PDE1C: variants seen among roughly 807,000 people sequenced by gnomAD.
PDE1C encodes the protein phosphodiesterase 1C, also known as dual specificity calcium/calmodulin-dependent 3',5'-cyclic nucleotide phosphodiesterase 1C.
PDE1C carries 62 observed loss-of-function variants against 93.1 expected under a neutral mutation model. The ratio of observed to expected loss-of-function variants is 0.67; its 90% CI spans 0.54 to 0.82. PDE1C has a LOEUF of 0.82. Among genes scored for constraint, PDE1C ranks in the 40% least tolerant of loss-of-function variants. The pLI, the probability that PDE1C is intolerant of heterozygous loss-of-function variation, is 0.00. For synonymous variants in PDE1C, 325 were observed against 310.1 expected (o/e 1.05, Z -0.50); for missense variants, 742 against 884.6 (o/e 0.84, Z 2.04).
chr7:31,695,627 G>C, the PDE1C span: 2 of 1,610,304 alleles, frequency 1.2e-6, no homozygotes, highest in East Asian at 4.5e-5. Flanking sequence ...ACCAGGTAAT[G>C]GACAAAGTCA....
chr7:32,261,483 C>G (rs1810197928), intron 1 of PDE1C, among the ~76,000 whole-genome samples: 1 of 152,152 alleles, frequency 6.6e-6, no homozygotes, highest in African/African-American at 2.4e-5. Context: ...AATAATAAAA[C>G]TCCAGTCTCT....
intron 1 of PDE1C, among the ~76,000 whole-genome samples, chr7:32,340,110 T>C (rs1783719853): frequency 6.6e-6 from 1 of 152,088 alleles, no homozygotes; most frequent in East Asian, 1.9e-4. Context: ...GCATTCAGGC[T>C]GGGACTTACC....
At chr7:32,171,978 C>T (rs149450543) in intron 2 of PDE1C, among the ~76,000 whole-genome samples, 482 of 150,168 alleles carry the variant, frequency 3.2e-3, no homozygotes, top group African/African-American at 0.011. Flanking sequence ...CGTATGAGAT[C>T]TCTATATTAT....
chr7:32,182,224 A>G (rs1196311167), intron 2 of PDE1C, among the ~76,000 whole-genome samples: 2 of 152,234 alleles, frequency 1.3e-5, no homozygotes, highest in Admixed American at 6.5e-5. Flanking sequence ...CAGAGGTACA[A>G]GGAGGAGCTG....
At chr7:31,765,147 C>G (rs866894811) in intron 17 of PDE1C, among the ~76,000 whole-genome samples, 4 of 152,090 alleles carry the variant, frequency 2.6e-5, no homozygotes, top group Admixed American at 2.6e-4. Context: ...TTTGAGCCTT[C>G]TTTCCCTGAA....
chr7:32,233,541 T>G (rs1039946497), intron 1 of PDE1C, among the ~76,000 whole-genome samples: 3 of 152,108 alleles, frequency 2.0e-5, no homozygotes, highest in African/African-American at 4.8e-5. Flanking sequence ...GCTGTATTAC[T>G]ATCAGACAAA....
chr7:32,187,569 A>G (rs180905387), intron 2 of PDE1C, among the ~76,000 whole-genome samples: 2 of 149,852 alleles, frequency 1.3e-5, no homozygotes, highest in Non-Finnish European at 1.5e-5. Context: ...TTTATGTCCA[A>G]TAAATATTTG....
At position 32,059,099 on chromosome 7, in the gene PDE1C, T is replaced by A. The variant is rs148320596; in HGVS notation, c.102-7519A>T. 2.6e-3 allele frequency among the ~76,000 whole-genome samples: 399 copies of A among 152,292 alleles called. 1 individual carries two copies. The highest frequency in any genetic ancestry group is 9.4e-3 in the African/African-American group (389 of 41,556). ...AAAATTGTTCTACAGACTCATACTG[T>A]CATTGAATTATCTTAGAAAAGGAAG... On this transcript the variant is annotated intron_variant, in intron 1 of 17. Coordinates refer to ENST00000396191, the MANE Select transcript of PDE1C (RefSeq NM_001191057.4).
At chr7:31,991,314 G>A (rs753894500) in intron 2 of PDE1C, among the ~76,000 whole-genome samples, 7 of 152,184 alleles carry the variant, frequency 4.6e-5, no homozygotes, top group East Asian at 1.9e-4. Flanking sequence ...GATGTAAAAC[G>A]AGGTTAGGCC....
chr7:31,914,343 G>C (rs1801615627), intron 2 of PDE1C, among the ~76,000 whole-genome samples: 1 of 152,114 alleles, frequency 6.6e-6, no homozygotes, highest in Non-Finnish European at 1.5e-5. Flanking sequence ...AGACTGGAAG[G>C]GAAAGCTTTA....
chr7:31,643,958 G>T, the PDE1C span: 1 of 1,597,266 alleles, frequency 6.3e-7, no homozygotes. Context: ...TGTTCCGTAA[G>T]TGTTCACCCT....
chr7:31,856,990 T>G (rs969287660), intron 7 of PDE1C, among the ~76,000 whole-genome samples: 2 of 152,140 alleles, frequency 1.3e-5, no homozygotes, highest in African/African-American at 2.4e-5. Flanking sequence ...TACCTGCAAG[T>G]GCATGTCTGT....
chr7:31,869,975 C>A (rs1795734673), intron 6 of PDE1C, among the ~76,000 whole-genome samples: 1 of 151,888 alleles, frequency 6.6e-6, no homozygotes, highest in Non-Finnish European at 1.5e-5. Flanking sequence ...GGAAACTGAA[C>A]AAATACACGG....
intron 6 of PDE1C, 32 bp downstream of exon 6, chr7:31,873,260 T>C (rs755031276): frequency 7.8e-7 from 1 of 1,287,032 alleles, no homozygotes; most frequent in Admixed American, 1.8e-5. Flanking sequence ...GCATGTAGTT[T>C]ATTTATTTTT....
chr7:31,885,074 G>A (rs906015734), intron 2 of PDE1C, among the ~76,000 whole-genome samples: 5 of 152,092 alleles, frequency 3.3e-5, no homozygotes, highest in African/African-American at 1.2e-4. Flanking sequence ...AGGTCCCATG[G>A]TATGCTGCAG....
At chr7:31,925,157 TGAA>T (rs1451187739) in intron 2 of PDE1C, among the ~76,000 whole-genome samples, 1 of 151,496 alleles carries the variant, frequency 6.6e-6, no homozygotes, top group Non-Finnish European at 1.5e-5. Context: ...AGATAAGAGC[TGAA>T]GAATTTCTTT....
At chr7:32,182,607 T>C (rs945474055) in intron 2 of PDE1C, among the ~76,000 whole-genome samples, 6 of 152,186 alleles carry the variant, frequency 3.9e-5, no homozygotes, top group Admixed American at 3.3e-4. Flanking sequence ...CAACCCTTCA[T>C]GCTAAAAACT....
Position 31,774,302 on chromosome 7 carries a change from G to GTT in PDE1C, c.1960+1360_1960+1361dup, listed in dbSNP as rs138211852. On this transcript the variant is annotated intron_variant, in intron 17 of 17. Coordinates refer to ENST00000396191, the MANE Select transcript of PDE1C (RefSeq NM_001191057.4). ...AAGGTGAATTAACACTAAAAAAACT[G>GTT]TTTTTTTAATAGAAAGATACATTCA... Among the ~76,000 whole-genome samples, 7 of 152,030 alleles carry GTT rather than the reference G, an allele frequency of 4.6e-5. 1 individual carries two copies. The highest frequency in any genetic ancestry group is 1.7e-4 in the African/African-American group (7 of 41,380).
At chr7:32,312,124 G>C (rs1447923729) in intron 1 of PDE1C, among the ~76,000 whole-genome samples, 1 of 151,892 alleles carries the variant, frequency 6.6e-6, no homozygotes, top group African/African-American at 2.4e-5. Context: ...GACAAACAGA[G>C]AGCCAAATCA....
Sources: gnomAD v4.1 joint callset for allele counts (sites outside exome capture counted in the v4.1 genomes callset) on GRCh38, gnomAD v4.1.1 for gene constraint, MANE v1.5 for transcripts, NCBI Gene and HGNC (gene_info 2026-07-23, HGNC 2026-07-21) for gene names.